Variants in IL22RA1 observed in about 807,000 individuals in gnomAD.
The protein encoded by IL22RA1 is interleukin 22 receptor subunit alpha 1.
IL22RA1 carries 25 observed loss-of-function variants against 32.8 expected under a neutral mutation model. That is an observed-to-expected ratio of 0.76 (90% CI 0.55 to 1.06). IL22RA1 has a LOEUF of 1.06. Ranked by LOEUF, IL22RA1 falls within the 50% of genes least tolerant of loss-of-function variation. The pLI is 0.00. For synonymous variants in IL22RA1, 305 were observed against 305.0 expected (o/e 1.00, Z 0.00); for missense variants, 709 against 727.4 (o/e 0.97, Z 0.29).
At chr1:24,142,199 C>G (rs1043582397) in intron 1 of IL22RA1, among the ~76,000 whole-genome samples, 41 of 152,194 alleles carry the variant, frequency 2.7e-4, no homozygotes, top group African/African-American at 9.4e-4. Context: ...GCAGCCCTGG[C>G]GGGACAGTGG....
intron 3 of IL22RA1, among the ~76,000 whole-genome samples, chr1:24,136,885 T>A (rs960544103): frequency 2.7e-5 from 4 of 149,714 alleles, no homozygotes; most frequent in Admixed American, 2.0e-4. Flanking sequence ...GGGGTCAAGA[T>A]AAGGGTGGTC....
rs138912061 is a variant in IL22RA1, at chr1:24,140,220, G to A, written c.44-1506C>T. ...GAGCTGAGGCTCAGAGAGAGCTGCC[G>A]CCCAGCATCACAGTTAGCATGTGAA... On this transcript the variant is annotated intron_variant, in intron 1 of 6. Transcript: ENST00000270800. Among the ~76,000 whole-genome samples the A allele has an allele frequency of 2.6e-5, 4 of 152,310 alleles. No homozygotes were observed. In the East Asian group the frequency reaches 5.8e-4, roughly 22 times the overall value.
intron 6 of IL22RA1, among the ~76,000 whole-genome samples, chr1:24,122,383 G>T (rs1357767195): frequency 6.6e-6 from 1 of 150,812 alleles, no homozygotes. Context: ...TTTTTTGGGT[G>T]GGGGGTGGTT....
In IL22RA1 at chr1:24,134,339, T is replaced by C. The variant is rs779576640; in HGVS notation, c.403A>G (p.Ile135Val). 6.3e-7 allele frequency: 1 copy of C among 1,593,332 alleles called. No individual in the cohort carries two copies. The highest frequency in any genetic ancestry group is 1.1e-5 in the South Asian group (1 of 88,602). Residue 135 changes from isoleucine (I) to valine (V), a missense_variant, in exon 4 of 7, where the codon ATT (isoleucine) becomes GTT (valine). Coordinates refer to ENST00000270800, the MANE Select transcript of IL22RA1 (RefSeq NM_021258.4). ...GGGGTAGGATGAACAATCATCTGAA[T>C]CGATCTCACTTTGGAGATACAGGTC... ...DVTCISKVRS[I>V]QMIVHPTPTP...
chr1:24,133,859 G>A (rs1486371857), intron 4 of IL22RA1, among the ~76,000 whole-genome samples: 1 of 152,050 alleles, frequency 6.6e-6, no homozygotes. Flanking sequence ...CATGGCACAT[G>A]TATACATATG....
At chr1:24,134,126 C>CT (rs1206950234) in intron 4 of IL22RA1, 85 bp downstream of exon 4, 3 of 1,205,420 alleles carry the variant, frequency 2.5e-6, no homozygotes, top group Non-Finnish European at 3.4e-6. Flanking sequence ...AACATGTCCC[C>CT]TTTTTTTCTT....
At chr1:24,128,735 C>G (rs1028606220) in intron 4 of IL22RA1, among the ~76,000 whole-genome samples, 1 of 152,130 alleles carries the variant, frequency 6.6e-6, no homozygotes, top group African/African-American at 2.4e-5. Context: ...AATTGGGCCT[C>G]AAGGCTTCAG....
chr1:24,120,641 C>T lies in IL22RA1; in HGVS notation c.*164G>A. ...TGCTGCTTTGCTCCGGTGAGGAGCG[C>T]ACCCATGGCAGGGGCCCTGCATGCC... On this transcript the variant is annotated 3_prime_UTR_variant, in exon 7 of 7. Coordinates refer to ENST00000270800, the MANE Select transcript of IL22RA1 (RefSeq NM_021258.4). 1.5e-6 allele frequency: 1 copy of T among 659,744 alleles called. No homozygotes were observed. The highest frequency in any genetic ancestry group is 2.2e-5 in the South Asian group (1 of 45,442). 40.9% of individuals were successfully genotyped at this position (659,744 alleles called of 1,614,324 possible).
Position 24,121,390 on chromosome 1 carries a change from C to T in IL22RA1, c.1140G>A (p.Gln380=). The part of the protein sequence containing the change: ...PEAQFPFYAP[Q]AISKVQPSSY... The stretch of plus-strand genomic sequence containing the variant: ...AGGAAGGCTGGACCTTAGAGATGGC[C>T]TGTGGGGCGTAGAATGGGAATTGAG... Residue 380 remains glutamine, a synonymous_variant, in exon 7 of 7, where the codon CAG becomes CAA. Transcript: ENST00000270800. 2 of 1,561,948 alleles carry T rather than the reference C, an allele frequency of 1.3e-6. No individual in the cohort carries two copies. Among genetic ancestry groups the T allele is most frequent in the Non-Finnish European group, 8.7e-7 (1 of 1,152,564 alleles).
rs751908237 is a variant in IL22RA1, at chr1:24,121,170, C to A, written c.1360G>T (p.Ala454Ser). 6.2e-7 allele frequency: 1 copy of A among 1,614,198 alleles called. No homozygotes were observed. Among genetic ancestry groups the A allele is most frequent in the South Asian group, 1.1e-5 (1 of 91,090 alleles). ...GLSLQEVTSLAMEESQEAKSL... is the reference protein window; with the variant it reads ...GLSLQEVTSLSMEESQEAKSL... The stretch of plus-strand genomic sequence containing the variant: ...TTTGCTTCTTGGGATTCCTCCATAG[C>A]CAAGGAGGTCACCTCCTGCAGAGAA... Residue 454 changes from alanine to serine, a missense_variant, in exon 7 of 7, where the codon GCT becomes TCT. Ala to Ser is a moderately conservative substitution (Grantham distance 99). Transcript: ENST00000270800.
chr1:24,131,791 CACCA>C (rs1438514484), intron 4 of IL22RA1, among the ~76,000 whole-genome samples: 18 of 152,110 alleles, frequency 1.2e-4, no homozygotes, highest in African/African-American at 4.3e-4. Flanking sequence ...TAGCGCACTC[CACCA>C]ACCAACTGCA....
chr1:24,135,779 G>A (rs549425335), intron 3 of IL22RA1, among the ~76,000 whole-genome samples: 2 of 152,234 alleles, frequency 1.3e-5, no homozygotes, highest in Admixed American at 6.5e-5. Flanking sequence ...TCACAAGAAC[G>A]TACCCACTAT....
chr1:24,129,516 C>A (rs1035422314), intron 4 of IL22RA1, among the ~76,000 whole-genome samples: 2 of 152,248 alleles, frequency 1.3e-5, no homozygotes, highest in African/African-American at 4.8e-5. Context: ...CATCACTCTT[C>A]TTCTAATCTC....
At position 24,120,923 on chromosome 1, in the gene IL22RA1, A is replaced by G. The variant is rs2148568627; in HGVS notation, c.1607T>C (p.Leu536Pro). ...GPSPWGLLES[L>P]VCPKDEAKSP... ...CTTGGCTTCATCCTTGGGACACACA[A>G]GGGACTCCAGCAGGCCCCAGGGACT... The change falls in exon 7 of 7, where the codon CTT (leucine) becomes CCT (proline). Residue 536 changes from leucine to proline, a missense_variant. Physicochemically the swap from Leu to Pro is moderately conservative, Grantham distance 98 (BLOSUM62 -3). Transcript: ENST00000270800. 2.5e-6 allele frequency: 4 copies of G among 1,614,206 alleles called. No homozygotes were observed. Among genetic ancestry groups the G allele is most frequent in the East Asian group, 2.2e-5 (1 of 44,886 alleles).
chr1:24,130,791 G>C (rs929235749), intron 4 of IL22RA1, among the ~76,000 whole-genome samples: 3 of 152,132 alleles, frequency 2.0e-5, no homozygotes, highest in Non-Finnish European at 2.9e-5. Flanking sequence ...TGCAACCTCC[G>C]CCTCCCAGGT....
At chr1:24,128,111 C>T (rs752675167) in intron 5 of IL22RA1, 30 bp downstream of exon 5, 8 of 1,491,434 alleles carry the variant, frequency 5.4e-6, no homozygotes, top group Non-Finnish European at 6.2e-6. Context: ...TTCGGGAGCC[C>T]CACCTCCCTC....
chr1:24,126,240 T>C (rs1233151846), intron 5 of IL22RA1, among the ~76,000 whole-genome samples: 1 of 152,258 alleles, frequency 6.6e-6, no homozygotes, highest in East Asian at 1.9e-4. Context: ...AGGAAGGGCA[T>C]GCCCCATGCA....
chr1:24,126,473 G>A (rs2148571027), intron 5 of IL22RA1, among the ~76,000 whole-genome samples: 1 of 152,324 alleles, frequency 6.6e-6, no homozygotes, highest in Admixed American at 6.5e-5. Flanking sequence ...TGTCAGATGA[G>A]GGATCAGGCT....
chr1:24,125,772 A>G (rs1180924257), intron 5 of IL22RA1, among the ~76,000 whole-genome samples: 1 of 152,224 alleles, frequency 6.6e-6, no homozygotes, highest in Admixed American at 6.5e-5. Context: ...ATTAAATAAT[A>G]TATGTTACAT....
Sources: allele counts gnomAD v4.1 joint callset (sites outside exome capture counted in the v4.1 genomes callset), GRCh38; gene constraint gnomAD v4.1.1; transcripts MANE v1.5; gene names NCBI Gene and HGNC (gene_info 2026-07-23, HGNC 2026-07-21).